Variants in CPNE4 observed in about 807,000 individuals in gnomAD.
CPNE4 encodes copine-4.
In CPNE4, 25 loss-of-function variants were observed where a neutral mutation model predicts 67.9. That is an observed-to-expected ratio of 0.37 (90% CI 0.27 to 0.51). The LOEUF is 0.51. Ranked by LOEUF, CPNE4 falls within the 20% of genes least tolerant of loss-of-function variation. The pLI, the probability that CPNE4 is intolerant of heterozygous loss-of-function variation, is 0.93. For synonymous variants in CPNE4, 242 were observed against 244.9 expected (o/e 0.99, Z 0.11); for missense variants, 464 against 690.8 (o/e 0.67, Z 3.68).
intron 7 of CPNE4, among the ~76,000 whole-genome samples, chr3:131,638,426 A>G (rs1265079340): frequency 6.6e-6 from 1 of 152,140 alleles, no homozygotes; most frequent in East Asian, 1.9e-4. Flanking sequence ...AAAGACAAAG[A>G]GGTGATAGTA....
Position 131,717,829 on chromosome 3 carries a change from TCTTC to T in CPNE4, c.360+5613_360+5616del, listed in dbSNP as rs1278302785. Among the ~76,000 whole-genome samples, 59 of 133,100 alleles carry T rather than the reference TCTTC, an allele frequency of 4.4e-4. No homozygotes were observed. In the East Asian group the frequency reaches 9.2e-3, roughly 21 times the overall value. The allele number at this position is 133,100 out of a possible 152,430, so 87.3% of individuals were successfully genotyped here. ...TTATGGGGAATGCCAAAGTGATCTT[TCTTC>T]CTTCCTTCCTTCCTTCCTCGCTCCC... On this transcript the variant is annotated intron_variant, in intron 3 of 15. Transcript: ENST00000429747.
At chr3:131,825,633 A>C (rs911313686) in intron 2 of CPNE4, among the ~76,000 whole-genome samples, 2 of 152,218 alleles carry the variant, frequency 1.3e-5, no homozygotes, top group African/African-American at 4.8e-5. Flanking sequence ...GGATCATTTC[A>C]AACTGAAAAA....
intron 2 of CPNE4, among the ~76,000 whole-genome samples, chr3:131,863,641 C>A (rs2086794840): frequency 6.6e-6 from 1 of 152,076 alleles, no homozygotes. Flanking sequence ...AAAATTTTCT[C>A]CTATTTTGTA....
In CPNE4 at chr3:131,669,717, A is replaced by G; in HGVS notation, c.639T>C (p.Ser213=). ...LSPAWKSFKV[S]VNSLCSGDPD... Reference sequence around the variant, plus strand: ...GGTCTCCGCTGCATAGAGAATTTACAGATACTTTGAATGATTTCCAGGCTG... The same window carrying G: ...GGTCTCCGCTGCATAGAGAATTTACGGATACTTTGAATGATTTCCAGGCTG... Residue 213 remains serine, a synonymous_variant, in exon 7 of 16, where the codon TCT becomes TCC. Transcript: ENST00000429747. 6.2e-7 allele frequency: 1 copy of G among 1,613,940 alleles called. No individual in the cohort carries two copies. The highest frequency in any genetic ancestry group is 2.2e-5 in the East Asian group (1 of 44,882).
At chr3:131,561,639 G>C (rs1936772363) in intron 11 of CPNE4, among the ~76,000 whole-genome samples, 1 of 152,034 alleles carries the variant, frequency 6.6e-6, no homozygotes, top group African/African-American at 2.4e-5. Flanking sequence ...GCTGCCAGAA[G>C]CTGGGAGGAA....
chr3:131,970,908 C>T (rs2072482993), intron 1 of CPNE4, among the ~76,000 whole-genome samples: 1 of 152,154 alleles, frequency 6.6e-6, no homozygotes, highest in African/African-American at 2.4e-5. Flanking sequence ...TAACAAACTG[C>T]CCCAAAACGT....
intron 7 of CPNE4, among the ~76,000 whole-genome samples, chr3:131,659,289 C>T (rs1371495232): frequency 6.7e-6 from 1 of 149,140 alleles, no homozygotes; most frequent in African/African-American, 2.5e-5. Flanking sequence ...TCAGAATAAT[C>T]CTTCCCTTCA....
At chr3:131,621,014 T>G (rs1388240122) in intron 7 of CPNE4, among the ~76,000 whole-genome samples, 1 of 152,178 alleles carries the variant, frequency 6.6e-6, no homozygotes, top group East Asian at 1.9e-4. Flanking sequence ...GTTATTTCCA[T>G]GATGAGTAGG....
chr3:131,575,563 G>A (rs1582828073), intron 9 of CPNE4, among the ~76,000 whole-genome samples: 1 of 152,134 alleles, frequency 6.6e-6, no homozygotes, highest in Non-Finnish European at 1.5e-5. Context: ...ACCATTGGCT[G>A]AGAAGGTAAT....
intron 2 of CPNE4, among the ~76,000 whole-genome samples, chr3:131,815,869 T>C (rs2084718606): frequency 6.6e-6 from 1 of 151,822 alleles, no homozygotes; most frequent in African/African-American, 2.4e-5. Flanking sequence ...TTCTTTGTCT[T>C]TGGTTAGTTC....
At chr3:131,968,678 T>C (rs2072423754) in intron 1 of CPNE4, among the ~76,000 whole-genome samples, 1 of 152,168 alleles carries the variant, frequency 6.6e-6, no homozygotes, top group Non-Finnish European at 1.5e-5. Flanking sequence ...CCAGTTAGAA[T>C]GGCAATCATT....
At chr3:131,669,600 T>C in intron 7 of CPNE4, 75 bp downstream of exon 7, 1 of 1,249,478 alleles carries the variant, frequency 8.0e-7, no homozygotes, top group African/African-American at 1.5e-5. Flanking sequence ...GGTTTGTCAA[T>C]ATTATTTTGA....
chr3:131,896,806 G>A (rs1383494976), intron 2 of CPNE4, among the ~76,000 whole-genome samples: 1 of 152,048 alleles, frequency 6.6e-6, no homozygotes, highest in Non-Finnish European at 1.5e-5. Context: ...TGAGATCAGG[G>A]ACCATCAGCA....
chr3:131,565,651 C>T (rs758560115), intron 10 of CPNE4, among the ~76,000 whole-genome samples: 6 of 151,792 alleles, frequency 4.0e-5, no homozygotes, highest in Non-Finnish European at 8.8e-5. Context: ...TTTTTCTTTT[C>T]TTTCATGAAA....
At chr3:131,579,523 A>T (rs1937652041) in intron 9 of CPNE4, among the ~76,000 whole-genome samples, 1 of 152,190 alleles carries the variant, frequency 6.6e-6, no homozygotes, top group Non-Finnish European at 1.5e-5. Flanking sequence ...TTTCTGATAG[A>T]TCTCAGAAAA....
intron 2 of CPNE4, among the ~76,000 whole-genome samples, chr3:131,865,224 A>G (rs905480208): frequency 2.6e-5 from 4 of 152,164 alleles, no homozygotes; most frequent in Non-Finnish European, 5.9e-5. Context: ...GCCTCATAAA[A>G]TGAGTTAAGG....
intron 1 of CPNE4, among the ~76,000 whole-genome samples, chr3:131,971,751 A>G (rs2072509911): frequency 6.6e-6 from 1 of 152,092 alleles, no homozygotes; most frequent in Admixed American, 6.5e-5. Flanking sequence ...CCAACAGGAG[A>G]GTGAGCAAGA....
At position 131,534,507 on chromosome 3, in the gene CPNE4, C is replaced by G. The variant is rs1167819940; in HGVS notation, c.*688G>C. Reference sequence around the variant, plus strand: ...AGTTAAAGATGCAGAATCTTGGGTCCCACACAGACCTATGTATCACAATCT... The same window carrying G: ...AGTTAAAGATGCAGAATCTTGGGTCGCACACAGACCTATGTATCACAATCT... On this transcript the variant is annotated 3_prime_UTR_variant, in exon 16 of 16. Coordinates refer to ENST00000429747, the MANE Select transcript of CPNE4 (RefSeq NM_130808.3). 6.6e-6 allele frequency: 1 copy of G among 152,260 alleles called. No individual in the cohort carries two copies. The highest frequency in any genetic ancestry group is 1.9e-4 in the East Asian group (1 of 5,176). 9.4% of individuals were successfully genotyped at this position (152,260 alleles called of 1,614,324 possible). A position where few individuals can be genotyped will look rare whatever the true frequency, so the allele number is the denominator to read the frequency against.
chr3:131,948,016 A>G (rs1312088776), intron 1 of CPNE4, among the ~76,000 whole-genome samples: 1 of 151,618 alleles, frequency 6.6e-6, no homozygotes, highest in Non-Finnish European at 1.5e-5. Flanking sequence ...CACTCTGTGA[A>G]CATGGGGTGT....
Sources: gnomAD v4.1 joint callset for allele counts (sites outside exome capture counted in the v4.1 genomes callset) on GRCh38, gnomAD v4.1.1 for gene constraint, MANE v1.5 for transcripts, NCBI Gene and HGNC (gene_info 2026-07-23, HGNC 2026-07-21) for gene names.